Variants in EIPR1 observed in about 807,000 individuals in gnomAD.
EIPR1 encodes EARP complex and GARP complex interacting protein 1.
EIPR1 carries 25 observed loss-of-function variants against 48.1 expected under a neutral mutation model. That is an observed-to-expected ratio of 0.52 (90% CI 0.38 to 0.73). The LOEUF (loss-of-function observed/expected upper bound fraction) is 0.73, where lower values mean the gene tolerates loss of function less well. EIPR1 is among the 30% of genes least tolerant of loss of function. The pLI, the probability that EIPR1 is intolerant of heterozygous loss-of-function variation, is 0.00. For missense variants in EIPR1, 415 were observed against 506.2 expected (o/e 0.82, Z 1.73); for synonymous variants, 204 against 201.9 (o/e 1.01, Z -0.09).
At chr2:3,373,916 G>A (rs1363119693) in intron 1 of EIPR1, among the ~76,000 whole-genome samples, 10 of 151,428 alleles carry the variant, frequency 6.6e-5, no homozygotes, top group Admixed American at 2.6e-4. Context: ...AGCCCTCATC[G>A]CCAAGTCAAT....
intron 3 of EIPR1, among the ~76,000 whole-genome samples, chr2:3,307,209 A>G (rs1668973979): frequency 6.6e-6 from 1 of 151,968 alleles, no homozygotes; most frequent in African/African-American, 2.4e-5. Flanking sequence ...TGATCCGCCT[A>G]CCTCAGCCTC....
chr2:3,226,147 T>C (rs1455075250), intron 4 of EIPR1, among the ~76,000 whole-genome samples: 1 of 152,256 alleles, frequency 6.6e-6, no homozygotes, highest in Non-Finnish European at 1.5e-5. Context: ...TTCCTTTGGA[T>C]ATATACCCAG....
At chr2:3,225,672 T>C (rs1400635695) in intron 4 of EIPR1, among the ~76,000 whole-genome samples, 1 of 152,214 alleles carries the variant, frequency 6.6e-6, no homozygotes, top group African/African-American at 2.4e-5. Context: ...ATGCACTCTC[T>C]TAGCCAATTT....
At chr2:3,327,649 A>G (rs909584449) in intron 3 of EIPR1, among the ~76,000 whole-genome samples, 3 of 152,164 alleles carry the variant, frequency 2.0e-5, no homozygotes, top group South Asian at 4.1e-4. Context: ...CCACTCATTT[A>G]GTGAAAATCC....
chr2:3,247,412 T>C (rs1272845502), intron 4 of EIPR1, among the ~76,000 whole-genome samples: 1 of 152,208 alleles, frequency 6.6e-6, no homozygotes, highest in East Asian at 1.9e-4. Flanking sequence ...TACCCTGTTG[T>C]GGCTAATCAG....
chr2:3,226,448 G>A lies in EIPR1; in HGVS notation c.417-12200C>T, dbSNP rs114175617. Among the ~76,000 whole-genome samples the A allele has an allele frequency of 7.2e-3, 1,101 of 152,260 alleles. 14 individuals carry two copies. Among genetic ancestry groups the A allele is most frequent in the African/African-American group, 0.026 (1,063 of 41,548 alleles). ...AGAAAAATGTCTATTCAAGTGCTTT[G>A]CTCATTTCTAAACTGGGTTATTTTG... On this transcript the variant is annotated intron_variant, in intron 4 of 8. Coordinates refer to ENST00000382125, the MANE Select transcript of EIPR1 (RefSeq NM_003310.5).
intron 5 of EIPR1, 53 bp downstream of exon 5, chr2:3,214,096 G>A (rs1432108806): frequency 3.3e-5 from 50 of 1,523,980 alleles, no homozygotes; most frequent in Admixed American, 1.4e-4. Context: ...GAGAACATGC[G>A]GGGTTTGGTT....
At position 3,312,676 on chromosome 2, in the gene EIPR1, G is replaced by A. The variant is rs566760809; in HGVS notation, c.259+25341C>T. Among the ~76,000 whole-genome samples, 3 of 152,288 alleles carry A rather than the reference G, an allele frequency of 2.0e-5. No homozygotes were observed. Among genetic ancestry groups the A allele is most frequent in the East Asian group, 1.9e-4 (1 of 5,172 alleles). ...GCCTCTGTGCTCAGGGGATAACGGCGGGGTGGGGAAGAGCCTCCACTGGTC... is the reference window on the plus strand; with the variant it reads ...GCCTCTGTGCTCAGGGGATAACGGCAGGGTGGGGAAGAGCCTCCACTGGTC... On this transcript the variant is annotated intron_variant, in intron 3 of 8. Transcript: ENST00000382125. This position sits in a 1 kb window ranked among gnomAD's most constrained non-coding sequence, Gnocchi z 5.5.
intron 3 of EIPR1, among the ~76,000 whole-genome samples, chr2:3,272,170 T>TGGCTTA (rs1226464080): frequency 6.6e-6 from 1 of 152,258 alleles, no homozygotes; most frequent in African/African-American, 2.4e-5. Flanking sequence ...GATTAGGCTT[T>TGGCTTA]GGCTTAAAAG....
At position 3,194,696 on chromosome 2, in the gene EIPR1, A is replaced by AGG. The variant is rs66959073; in HGVS notation, c.654-532_654-531dup. Among the ~76,000 whole-genome samples the AGG allele has an allele frequency of 5.9e-3, 895 of 150,580 alleles. 15 individuals carry two copies. The highest frequency in any genetic ancestry group is 0.021 in the African/African-American group (853 of 40,680). ...TATATATATACAGAGAGAGAGAGAA[A>AGG]GGGGGGGGCAGTGGGGAAGGCCATG... On this transcript the variant is annotated intron_variant, in intron 6 of 8. Coordinates refer to ENST00000382125, the MANE Select transcript of EIPR1 (RefSeq NM_003310.5).
At chr2:3,197,852 T>C (rs1314829844) in intron 5 of EIPR1, among the ~76,000 whole-genome samples, 2 of 152,172 alleles carry the variant, frequency 1.3e-5, no homozygotes, top group Non-Finnish European at 2.9e-5. Flanking sequence ...GCTGTGCTCT[T>C]CAGAGCCCTC....
intron 4 of EIPR1, among the ~76,000 whole-genome samples, chr2:3,254,145 C>T (rs2602748): frequency 0.66 from 100,799 of 152,016 alleles, 33,662 homozygotes; most frequent in East Asian, 0.81. Flanking sequence ...TCACCTGTGC[C>T]GTATTCACCA....
At chr2:3,332,018 CATGAGATGGTGT>C (rs1669914349) in intron 3 of EIPR1, among the ~76,000 whole-genome samples, 3 of 77,380 alleles carry the variant, frequency 3.9e-5, no homozygotes, top group African/African-American at 1.6e-4. Context: ...TGTATACACT[CATGAGATGGTGT>C]CAGCAGAGGC....
intron 7 of EIPR1, 93 bp from the exon 8 acceptor site, chr2:3,192,674 G>C: frequency 7.4e-7 from 1 of 1,356,796 alleles, no homozygotes; most frequent in Non-Finnish European, 1.0e-6. Flanking sequence ...CACTAGGCTG[G>C]GGCTCACGTT....
At chr2:3,237,676 G>A (rs1260214826) in intron 4 of EIPR1, among the ~76,000 whole-genome samples, 2 of 152,200 alleles carry the variant, frequency 1.3e-5, no homozygotes, top group Non-Finnish European at 2.9e-5. Flanking sequence ...GGAACGCGCT[G>A]AGAGGCAAGC....
At chr2:3,324,699 G>A (rs1669638405) in intron 3 of EIPR1, among the ~76,000 whole-genome samples, 1 of 152,270 alleles carries the variant, frequency 6.6e-6, no homozygotes, top group African/African-American at 2.4e-5. Context: ...ACTCTGGTCA[G>A]TGGGATGATG....
At chr2:3,191,098 C>T (rs1444748711) in intron 8 of EIPR1, among the ~76,000 whole-genome samples, 1 of 152,150 alleles carries the variant, frequency 6.6e-6, no homozygotes, top group Admixed American at 6.5e-5. Context: ...TTTTGTTTGT[C>T]TCAAAAACAA....
Position 3,257,303 on chromosome 2 carries a change from C to T in EIPR1, c.412G>A (p.Ala138Thr), listed in dbSNP as rs977758783. 5 of 1,612,750 alleles carry T rather than the reference C, an allele frequency of 3.1e-6. No individual in the cohort carries two copies. The highest frequency in any genetic ancestry group is 1.6e-4 in the Middle Eastern group (1 of 6,070). ...ATGAAATATGCAAAATCCTACCAGG[C>T]CATGTTGCCATGGGCTGTGTTGTCA... ...HLDNTAHGNM[A>T]CVVWEPMGDG... Residue 138 changes from alanine (A) to threonine (T), a missense_variant, in exon 4 of 9, where the codon GCC becomes ACC. Ala to Thr is a moderately conservative substitution (Grantham distance 58). Coordinates refer to ENST00000382125, the MANE Select transcript of EIPR1 (RefSeq NM_003310.5).
intron 5 of EIPR1, among the ~76,000 whole-genome samples, chr2:3,202,789 A>C (rs1665095102): frequency 6.6e-6 from 1 of 152,176 alleles, no homozygotes; most frequent in Non-Finnish European, 1.5e-5. Flanking sequence ...TGCGTCCAAA[A>C]CCCACGGGAT....
Sources: allele counts gnomAD v4.1 joint callset (sites outside exome capture counted in the v4.1 genomes callset), GRCh38; gene constraint gnomAD v4.1.1; non-coding constraint Gnocchi (gnomAD v3.1); transcripts MANE v1.5; gene names NCBI Gene and HGNC (gene_info 2026-07-23, HGNC 2026-07-21).